ATP2C1: variants seen among roughly 807,000 people sequenced by gnomAD.
ATP2C1 encodes ATPase secretory pathway Ca2+ transporting 1, also known as calcium-transporting ATPase type 2C member 1.
In ATP2C1, 31 loss-of-function variants were observed where a neutral mutation model predicts 120.5. The ratio of observed to expected loss-of-function variants is 0.26; its 90% CI spans 0.19 to 0.35. The LOEUF is 0.35. Ranked by LOEUF, ATP2C1 falls within the 10% of genes least tolerant of loss-of-function variation. The pLI is 1.00. For missense variants in ATP2C1, 731 were observed against 1,107.5 expected, an observed-to-expected ratio of 0.66 and a Z score of 4.83; for synonymous variants, 351 against 358.7, an observed-to-expected ratio of 0.98 and a Z score of 0.24.
Position 130,894,297 on chromosome 3 carries a change from T to G in ATP2C1, c.-221T>G. ...GGGGCGCCCCCGCGAGCCCCGCGGC[T>G]GAGACCCCGCAGCCTGGAGGAGGGC... On this transcript the variant is annotated 5_prime_UTR_variant, in exon 1 of 28. Transcript: ENST00000510168. The surrounding 1 kb of genome is among the most constrained non-coding windows in gnomAD (Gnocchi z 4.5). 1.0e-6 allele frequency: 1 copy of G among 986,806 alleles called. No homozygotes were observed. The allele number at this position is 986,806 out of a possible 1,614,324, so 61.1% of individuals were successfully genotyped here.
intron 1 of ATP2C1, among the ~76,000 whole-genome samples, chr3:130,865,119 T>C (rs1322452989): frequency 2.0e-5 from 3 of 152,160 alleles, no homozygotes; most frequent in African/African-American, 7.2e-5. Flanking sequence ...CCTAAGACCA[T>C]GGGCACCCAA....
chr3:130,945,850 A>G (rs945419082), intron 8 of ATP2C1, among the ~76,000 whole-genome samples: 17 of 151,622 alleles, frequency 1.1e-4, no homozygotes, highest in Admixed American at 2.0e-4. Flanking sequence ...TTGGATAAAG[A>G]ACTCTTTGTA....
intron 2 of ATP2C1, among the ~76,000 whole-genome samples, chr3:130,913,055 A>G (rs2058511597): frequency 7.7e-6 from 1 of 130,526 alleles, no homozygotes; most frequent in Non-Finnish European, 1.6e-5. Flanking sequence ...TTGAACAATG[A>G]GACCACATGG....
intron 2 of ATP2C1, among the ~76,000 whole-genome samples, chr3:130,926,464 T>C (rs1172028914): frequency 6.6e-6 from 1 of 152,232 alleles, no homozygotes; most frequent in Admixed American, 6.5e-5. Flanking sequence ...TAAAATAGTA[T>C]ATCCAAGACC....
chr3:130,931,062 A>G (rs1250802072), intron 3 of ATP2C1, among the ~76,000 whole-genome samples: 2 of 152,118 alleles, frequency 1.3e-5, no homozygotes, highest in African/African-American at 2.4e-5. Flanking sequence ...GAAAAAGATA[A>G]TATTTTTTAT....
intron 8 of ATP2C1, among the ~76,000 whole-genome samples, chr3:130,948,457 C>T (rs2060238506): frequency 6.6e-6 from 1 of 151,844 alleles, no homozygotes; most frequent in Admixed American, 6.6e-5. Flanking sequence ...GTTTCTGTGG[C>T]TGTTTTCAAG....
chr3:130,871,000 C>T (rs539339026), intron 1 of ATP2C1, among the ~76,000 whole-genome samples: 6 of 152,306 alleles, frequency 3.9e-5, no homozygotes, highest in African/African-American at 1.2e-4. Flanking sequence ...TAGCCATTAA[C>T]GTCAAGGCGA....
rs1049783244 is a variant in ATP2C1 at position 130,967,528 on chromosome 3, C to T, written c.1308+109C>T. The stretch of plus-strand genomic sequence containing the variant: ...GTTTTTAGGTATTGAGTGAAAAAAA[C>T]TCATACTATTTCATTGTTTTTACTA... On this transcript the variant is annotated intron_variant, in intron 16 of 27. Coordinates refer to ENST00000510168, the MANE Select transcript of ATP2C1 (RefSeq NM_001378687.1). 4.5e-6 allele frequency: 4 copies of T among 881,316 alleles called. No individual in the cohort carries two copies. The African/African-American group carries it at 6.7e-5, about 15-fold the overall frequency. The allele number at this position is 881,316 out of a possible 1,614,324, so 54.6% of individuals were successfully genotyped here.
At chr3:130,973,895 C>T (rs1203484184) in intron 17 of ATP2C1, among the ~76,000 whole-genome samples, 2 of 152,034 alleles carry the variant, frequency 1.3e-5, no homozygotes, top group African/African-American at 4.8e-5. Context: ...ACACCACACA[C>T]CCTTTCTTAG....
At chr3:130,882,569 T>A (rs1253734460) in intron 1 of ATP2C1, among the ~76,000 whole-genome samples, 1 of 152,208 alleles carries the variant, frequency 6.6e-6, no homozygotes, top group African/African-American at 2.4e-5. Flanking sequence ...CATGAACAGA[T>A]GTTAAATTTT....
At chr3:130,891,024 C>A (rs1237646875), upstream of ATP2C1, among the ~76,000 whole-genome samples, 1 of 152,172 alleles carries the variant, frequency 6.6e-6, no homozygotes, top group Non-Finnish European at 1.5e-5. Flanking sequence ...CTGCAGTGTG[C>A]TATGATGGCA....
chr3:130,988,719 G>A (rs2062145602), intron 20 of ATP2C1, among the ~76,000 whole-genome samples: 1 of 152,146 alleles, frequency 6.6e-6, no homozygotes, highest in South Asian at 2.1e-4. Flanking sequence ...GTAATCAAGG[G>A]TTAAGGCATA....
intron 2 of ATP2C1, among the ~76,000 whole-genome samples, chr3:130,927,387 C>T (rs2059260677): frequency 6.6e-6 from 1 of 151,968 alleles, no homozygotes; most frequent in South Asian, 2.1e-4. Flanking sequence ...ACTACCGGCG[C>T]CTGCCACCAT....
At chr3:130,950,309 T>G (rs2060317477) in intron 8 of ATP2C1, among the ~76,000 whole-genome samples, 1 of 152,126 alleles carries the variant, frequency 6.6e-6, no homozygotes, top group Admixed American at 6.6e-5. Context: ...AAAATCAGTT[T>G]TCTTGTTCAT....
intron 1 of ATP2C1, among the ~76,000 whole-genome samples, chr3:130,883,997 AGT>A (rs1213292931): frequency 1.5e-5 from 2 of 131,470 alleles, no homozygotes; most frequent in Non-Finnish European, 3.1e-5. Context: ...GCTGGACTGC[AGT>A]GGTGTCATCT....
rs550521857 is a variant in ATP2C1 at position 130,874,642 on chromosome 3, G to C, written c.108+23714G>C. ...TTAGAGGAAGTCTAGTGGTAGGGCA[G>C]GCCCCAGAGTTGGTTTATTTGTTAG... On this transcript the variant is annotated intron_variant, in intron 1 of 26. Coordinates refer to the ATP2C1 transcript ENST00000504381. 2.0e-5 allele frequency among the ~76,000 whole-genome samples: 3 copies of C among 152,298 alleles called. No homozygotes were observed. In the South Asian group the frequency reaches 6.2e-4, roughly 32 times the overall value.
intron 18 of ATP2C1, among the ~76,000 whole-genome samples, chr3:130,978,894 AC>A (rs1432501827): frequency 1.3e-5 from 2 of 152,170 alleles, no homozygotes; most frequent in Admixed American, 6.5e-5. Context: ...AGCCTAACAA[AC>A]CCATAGTTTC....
At chr3:130,995,196 T>A (rs2062552620) in intron 22 of ATP2C1, among the ~76,000 whole-genome samples, 1 of 152,072 alleles carries the variant, frequency 6.6e-6, no homozygotes, top group Non-Finnish European at 1.5e-5. Flanking sequence ...GATGGATCAC[T>A]TGAGCCCAGG....
chr3:130,901,758 T>A (rs1444139042), intron 2 of ATP2C1, among the ~76,000 whole-genome samples: 1 of 152,070 alleles, frequency 6.6e-6, no homozygotes, highest in Non-Finnish European at 1.5e-5. Context: ...GACCTCAATT[T>A]GTCCTTTATT....
Sources: allele counts gnomAD v4.1 joint callset (sites outside exome capture counted in the v4.1 genomes callset), GRCh38; gene constraint gnomAD v4.1.1; non-coding constraint Gnocchi (gnomAD v3.1); transcripts MANE v1.5; gene names NCBI Gene and HGNC (gene_info 2026-07-23, HGNC 2026-07-21).